Variants in BCHE observed in about 807,000 individuals in gnomAD.
BCHE encodes cholinesterase.
In BCHE, 48 loss-of-function variants were observed where a neutral mutation model predicts 51.3. That is an observed-to-expected ratio of 0.94 (90% confidence interval 0.74 to 1.19). The LOEUF (loss-of-function observed/expected upper bound fraction) is 1.19, where lower values mean the gene tolerates loss of function less well. BCHE is among the 50% of genes most tolerant of loss of function. The pLI is 0.00. For synonymous variants in BCHE, 251 were observed against 238.0 expected (o/e 1.05, Z -0.50); for missense variants, 847 against 708.2 (o/e 1.20, Z -2.23).
rs377571870 is a variant in BCHE at position 165,832,920 on chromosome 3, C to A, written c.-8-1879G>T. 1.9e-4 allele frequency among the ~76,000 whole-genome samples: 29 copies of A among 152,134 alleles called. 1 individual carries two copies. In the East Asian group the frequency reaches 2.5e-3, roughly 13 times the overall value. On this transcript the variant is annotated intron_variant, in intron 1 of 3. Coordinates refer to ENST00000264381, the MANE Select transcript of BCHE (RefSeq NM_000055.4). ...CCAATGGTCATAGGATATCTAGTGA[C>A]CTACAAGTATTTTTTATCCCAATAA... is the stretch of plus-strand genomic sequence containing the variant.
intron 2 of BCHE, among the ~76,000 whole-genome samples, chr3:165,787,017 TC>T (rs1353145177): frequency 6.6e-6 from 1 of 151,808 alleles, no homozygotes; most frequent in Non-Finnish European, 1.5e-5. Flanking sequence ...AGTAAATCCC[TC>T]CTTTTTTCAT....
chr3:165,778,157 T>C (rs1712545825), intron 3 of BCHE: 1 of 152,934 alleles, frequency 6.5e-6, no homozygotes, highest in South Asian at 2.0e-4. Context: ...AAATTTGCAT[T>C]CAGAGGCAAA....
At chr3:165,821,916 TGG>T (rs367959986) in intron 2 of BCHE, among the ~76,000 whole-genome samples, 9,679 of 152,006 alleles carry the variant, frequency 0.064, 389 homozygotes, top group African/African-American at 0.098. Flanking sequence ...TTAACTTCAG[TGG>T]TGAAAAATGT....
intron 2 of BCHE, among the ~76,000 whole-genome samples, chr3:165,810,858 A>G (rs1714066457): frequency 6.6e-6 from 1 of 152,178 alleles, no homozygotes; most frequent in Non-Finnish European, 1.5e-5. Context: ...AGGACACACC[A>G]TGACATATCC....
chr3:165,817,145 G>A (rs1714342022), intron 2 of BCHE, among the ~76,000 whole-genome samples: 1 of 151,952 alleles, frequency 6.6e-6, no homozygotes, highest in South Asian at 2.1e-4. Context: ...ATTTTGCAGT[G>A]TAGTATCCTT....
intron 2 of BCHE, among the ~76,000 whole-genome samples, chr3:165,823,711 T>A (rs1714611277): frequency 1.3e-5 from 2 of 152,028 alleles, no homozygotes; most frequent in Admixed American, 1.3e-4. Flanking sequence ...ACTTAAATAA[T>A]CCCAATGGTT....
chr3:165,774,010 T>A (rs547504456), intron 3 of BCHE, among the ~76,000 whole-genome samples: 58 of 152,180 alleles, frequency 3.8e-4, no homozygotes, highest in African/African-American at 1.3e-3. Flanking sequence ...CCTCTCATAC[T>A]CAAGTCCCTA....
At chr3:165,825,841 G>C (rs531353511) in intron 2 of BCHE, among the ~76,000 whole-genome samples, 7 of 152,028 alleles carry the variant, frequency 4.6e-5, no homozygotes, top group African/African-American at 1.4e-4. Context: ...ATTGGCAAAA[G>C]ACTTAAACAT....
intron 2 of BCHE, among the ~76,000 whole-genome samples, chr3:165,809,636 G>A (rs1187814447): frequency 6.6e-6 from 1 of 152,016 alleles, no homozygotes; most frequent in African/African-American, 2.4e-5. Context: ...AAGGCAAATT[G>A]TATTAAGGCA....
intron 2 of BCHE, among the ~76,000 whole-genome samples, chr3:165,828,902 C>T (rs1440612407): frequency 2.6e-5 from 4 of 152,024 alleles, no homozygotes; most frequent in Non-Finnish European, 5.9e-5. Flanking sequence ...CATAAGACTG[C>T]TCAGGTGGAG....
intron 2 of BCHE, among the ~76,000 whole-genome samples, chr3:165,790,075 G>C (rs1226104625): frequency 6.6e-6 from 1 of 152,002 alleles, no homozygotes; most frequent in East Asian, 1.9e-4. Flanking sequence ...GTGTGAGGGG[G>C]GGATGGTGAG....
chr3:165,805,270 G>A (rs1014743310), intron 2 of BCHE, among the ~76,000 whole-genome samples: 7 of 152,252 alleles, frequency 4.6e-5, no homozygotes, highest in African/African-American at 1.7e-4. Flanking sequence ...CTTGAGAAGG[G>A]TGAAGATGAA....
chr3:165,806,042 C>T (rs188667096), intron 2 of BCHE, among the ~76,000 whole-genome samples: 1 of 152,194 alleles, frequency 6.6e-6, no homozygotes, highest in East Asian at 1.9e-4. Context: ...TCTCATTCTC[C>T]CTGTCAGCTT....
At chr3:165,815,199 C>T (rs1714264434) in intron 2 of BCHE, among the ~76,000 whole-genome samples, 1 of 150,224 alleles carries the variant, frequency 6.7e-6, no homozygotes, top group Admixed American at 6.7e-5. Flanking sequence ...TATAGTTTCT[C>T]AAATTTCCAT....
intron 3 of BCHE, among the ~76,000 whole-genome samples, chr3:165,779,937 A>C (rs1350302860): frequency 1.3e-5 from 2 of 152,196 alleles, no homozygotes; most frequent in Admixed American, 6.5e-5. Flanking sequence ...TAACCAAAAA[A>C]GAGCCTGCAT....
intron 2 of BCHE, among the ~76,000 whole-genome samples, chr3:165,815,978 A>G (rs1430105971): frequency 1.3e-5 from 2 of 151,972 alleles, no homozygotes; most frequent in Non-Finnish European, 2.9e-5. Flanking sequence ...CCTTCTGCCT[A>G]TGCCTTCTTA....
chr3:165,786,375 G>T (rs1002234297), intron 2 of BCHE, 64 bp from the exon 3 acceptor site: 4 of 1,411,966 alleles, frequency 2.8e-6, no homozygotes, highest in Admixed American at 1.9e-5. Context: ...AAAGAATATT[G>T]TTTTCTAACA....
chr3:165,830,188 T>C lies in BCHE; in HGVS notation c.846A>G (p.Arg282=). 3 of 1,613,976 alleles carry C rather than the reference T, an allele frequency of 1.9e-6. No individual in the cohort carries two copies. The highest frequency in any genetic ancestry group is 2.5e-6 in the Non-Finnish European group (3 of 1,179,928). ...LNLAKLTGCS[R]ENETEIIKCL... ...ACTTGATTATTTCAGTCTCATTCTCTCTAGAGCAACCAGTCAATTTAGCTA... is the reference window on the plus strand; with the variant it reads ...ACTTGATTATTTCAGTCTCATTCTCCCTAGAGCAACCAGTCAATTTAGCTA... Residue 282 remains arginine (R), a synonymous_variant, in exon 2 of 4, where the codon AGA becomes AGG. Transcript: ENST00000264381.
chr3:165,796,120 A>T (rs1300344369), intron 2 of BCHE, among the ~76,000 whole-genome samples: 1 of 152,144 alleles, frequency 6.6e-6, no homozygotes, highest in Non-Finnish European at 1.5e-5. Flanking sequence ...CACTTCATTT[A>T]AAAAAATACT....
Sources: allele counts gnomAD v4.1 joint callset (sites outside exome capture counted in the v4.1 genomes callset), GRCh38; gene constraint gnomAD v4.1.1; transcripts MANE v1.5; gene names NCBI Gene and HGNC (gene_info 2026-07-23, HGNC 2026-07-21).